Variants in OTOG observed in about 807,000 individuals in gnomAD.
The protein encoded by OTOG is otogelin.
In OTOG, 296 loss-of-function variants were observed where a neutral mutation model predicts 313.8. That is an observed-to-expected ratio of 0.94 (90% CI 0.86 to 1.04). The LOEUF (loss-of-function observed/expected upper bound fraction) is 1.04, where lower values mean the gene tolerates loss of function less well. Among genes scored for constraint, OTOG ranks in the 50% least tolerant of loss-of-function variants. OTOG has a pLI of 0.00. For synonymous variants in OTOG, 1,533 were observed against 1,554.9 expected, an observed-to-expected ratio of 0.99 and a Z score of 0.33; for missense variants, 3,948 against 3,840.1, an observed-to-expected ratio of 1.03 and a Z score of -0.74.
Position 17,635,163 on chromosome 11 carries a change from TC to T in OTOG, c.7671del (p.Cys2558AlafsTer114), listed in dbSNP as rs1187140139. 1 of 1,547,208 alleles carries T rather than the reference TC, an allele frequency of 6.5e-7. No individual in the cohort carries two copies. Among genetic ancestry groups the T allele is most frequent in the South Asian group, 1.2e-5 (1 of 83,996 alleles). ...QILITGRLGDSCCTSYFCACG... is the reference protein window; with the variant it reads ...QILITGRLGDXCCTSYFCACG... Reference sequence around the variant, plus strand: ...CCTGATCACGGGCCGCCTGGGGGACTCCTGCTGCACCTCCTACTTCTGCGGT... The same window carrying T: ...CCTGATCACGGGCCGCCTGGGGGACTCTGCTGCACCTCCTACTTCTGCGGT... On this transcript the variant is annotated frameshift_variant, in exon 46 of 56. Coordinates refer to ENST00000399397, the MANE Select transcript of OTOG (RefSeq NM_001292063.2). LOFTEE classifies it high-confidence loss of function.
intron 6 of OTOG, 21 bp downstream of exon 6, chr11:17,553,540 C>T (rs759443594): frequency 1.4e-6 from 2 of 1,420,942 alleles, no homozygotes; most frequent in South Asian, 1.7e-5. Flanking sequence ...CCCTGCCTTG[C>T]CTGTCCAGGA....
rs561196208 is a variant in OTOG at position 17,593,611 on chromosome 11, G to A, written c.3143G>A (p.Ser1048Asn). 1.1e-4 allele frequency: 163 copies of A among 1,548,892 alleles called. 2 individuals are homozygous for A. The South Asian group carries it at 1.7e-3, about 16-fold the overall frequency. ...GACTGACCATCTCTGTCCCTCTAGAGTCCAGAGAGCTTCCTGGATGACAAG... is the reference window on the plus strand; with the variant it reads ...GACTGACCATCTCTGTCCCTCTAGAATCCAGAGAGCTTCCTGGATGACAAG... The part of the protein sequence containing the change: ...IVFDDDSGNP[S>N]PESFLDDKQE... Residue 1048 changes from serine to asparagine, a missense_variant and splice_region_variant, in exon 27 of 56, where the codon AGT becomes AAT. By Grantham distance (46) the Ser-to-Asn change is conservative. Coordinates refer to ENST00000399397, the MANE Select transcript of OTOG (RefSeq NM_001292063.2).
At chr11:17,637,197 T>C (rs1055247431) in intron 47 of OTOG, among the ~76,000 whole-genome samples, 3 of 152,168 alleles carry the variant, frequency 2.0e-5, no homozygotes, top group Non-Finnish European at 4.4e-5. Context: ...ATGTGTGTGG[T>C]TTACCAAAAT....
In OTOG at chr11:17,645,891, T is replaced by C. The variant is rs1462394183; in HGVS notation, c.8689T>C (p.Trp2897Arg). 6.4e-7 allele frequency: 1 copy of C among 1,550,592 alleles called. No individual in the cohort carries two copies. The highest frequency in any genetic ancestry group is 2.0e-5 in the Admixed American group (1 of 51,014). The change falls in exon 56 of 56, where the codon TGG becomes CGG. Residue 2897 changes from tryptophan to arginine, a missense_variant. Physicochemically the swap from Trp to Arg is moderately radical, Grantham distance 101. Coordinates refer to ENST00000399397, the MANE Select transcript of OTOG (RefSeq NM_001292063.2). ...VQLFCATNAT[W>R]VPYTVQEPTD... is the part of the protein sequence containing the mutation. ...GCTCTTCTGTGCCACCAATGCCACC[T>C]GGGTGCCCTATACAGTGCAGGAGCC...
In OTOG at chr11:17,547,467, G is replaced by A. The variant is rs940188886; in HGVS notation, c.94+1G>A. 3 of 1,371,116 alleles carry A rather than the reference G, an allele frequency of 2.2e-6. No individual in the cohort carries two copies. Among genetic ancestry groups the A allele is most frequent in the Admixed American group, 3.3e-5 (1 of 29,990 alleles). 84.9% of individuals were successfully genotyped at this position (1,371,116 alleles called of 1,614,324 possible). On this transcript the variant is annotated splice_donor_variant, in intron 1 of 55. Transcript: ENST00000399397. LOFTEE classifies it high-confidence loss of function. ...GAGTCCCTGCGGGTGCAGCGCCTCG[G>A]TGAGAGGGTTGTGGACTCAGGGAGG...
intron 29 of OTOG, among the ~76,000 whole-genome samples, chr11:17,596,453 C>T (rs928575627): frequency 1.3e-5 from 2 of 152,250 alleles, no homozygotes; most frequent in African/African-American, 4.8e-5. Flanking sequence ...CATGCTGAGG[C>T]ACCACCTATT....
chr11:17,590,894 C>T (rs181509189), intron 24 of OTOG, among the ~76,000 whole-genome samples: 15 of 152,204 alleles, frequency 9.9e-5, no homozygotes, highest in African/African-American at 1.7e-4. Flanking sequence ...ATGCCCCAAC[C>T]ACCCTATTTA....
chr11:17,634,041 C>T, intron 43 of OTOG, 28 bp from the exon 44 acceptor site: 1 of 1,533,966 alleles, frequency 6.5e-7, no homozygotes, highest in Non-Finnish European at 8.8e-7. Context: ...TTCCTCAGTC[C>T]CTCGCACCCT....
chr11:17,553,610 G>T, intron 6 of OTOG, 91 bp downstream of exon 6: 1 of 1,171,662 alleles, frequency 8.5e-7, no homozygotes, highest in Non-Finnish European at 1.1e-6. Context: ...TAGTTAGAGA[G>T]ACTGGCACCT....
chr11:17,547,668 C>G, intron 1 of OTOG: 1 of 1,006,812 alleles, frequency 9.9e-7, no homozygotes, highest in Non-Finnish European at 1.3e-6. Context: ...GGGAAAGAGT[C>G]CAAAGTTAGG....
Position 17,640,808 on chromosome 11 carries a change from A to C in OTOG, c.7999A>C (p.Lys2667Gln). 1 of 1,550,330 alleles carries C rather than the reference A, an allele frequency of 6.5e-7. No individual in the cohort carries two copies. Among genetic ancestry groups the C allele is most frequent in the Non-Finnish European group, 8.7e-7 (1 of 1,147,000 alleles). Residue 2667 changes from lysine (K) to glutamine (Q), a missense_variant, in exon 50 of 56, where the codon AAG (lysine) becomes CAG (glutamine). Lys to Gln is a moderately conservative substitution (Grantham distance 53). Transcript: ENST00000399397. ...HSVENVCGCAKYECVKAPVCL... is the reference protein window; with the variant it reads ...HSVENVCGCAQYECVKAPVCL... ...CGTGGAGAATGTGTGTGGCTGCGCCAAGTACGAGTGTGGTGAGTGGGGGAA... is the reference window on the plus strand; with the variant it reads ...CGTGGAGAATGTGTGTGGCTGCGCCCAGTACGAGTGTGGTGAGTGGGGGAA...
intron 17 of OTOG, 105 bp downstream of exon 17, chr11:17,570,495 GC>G: frequency 9.4e-7 from 1 of 1,061,088 alleles, no homozygotes; most frequent in Non-Finnish European, 1.4e-6. Context: ...CCTTCACTGT[GC>G]CCAGCATGCA....
chr11:17,635,557 C>T, intron 46 of OTOG, 53 bp from the exon 47 acceptor site: 2 of 1,412,156 alleles, frequency 1.4e-6, no homozygotes, highest in African/African-American at 1.4e-5. Context: ...GTGCTGTGTG[C>T]CAGGCCCCTA....
chr11:17,559,808 AAAG>A (rs1182984869), intron 12 of OTOG, 146 bp downstream of exon 12: 3 of 868,222 alleles, frequency 3.5e-6, no homozygotes, highest in Non-Finnish European at 4.9e-6. Flanking sequence ...AAAAAGAAGG[AAAG>A]AAGGAAGGGA....
At chr11:17,606,357 T>A (rs1365504515) in intron 33 of OTOG, among the ~76,000 whole-genome samples, 2 of 152,236 alleles carry the variant, frequency 1.3e-5, no homozygotes, top group African/African-American at 4.8e-5. Context: ...CCAGCCAATT[T>A]CCTGGGTCCT....
Position 17,570,200 on chromosome 11 carries a change from A to G in OTOG, c.1778-13A>G, listed in dbSNP as rs1852373507. On this transcript the variant is annotated splice_polypyrimidine_tract_variant and intron_variant, in intron 16 of 55. Coordinates refer to ENST00000399397, the MANE Select transcript of OTOG (RefSeq NM_001292063.2). ...CTGCCCTCCCACTCTCTCCTTTTGG[A>G]TTCTGTGCCCAGATGCCTTTGAGAT... 1 of 1,549,504 alleles carries G rather than the reference A, an allele frequency of 6.5e-7. No individual in the cohort carries two copies. Among genetic ancestry groups the G allele is most frequent in the Non-Finnish European group, 8.7e-7 (1 of 1,146,282 alleles).
In OTOG at chr11:17,608,363, C is replaced by T. The variant is rs1853441411; in HGVS notation, c.4224C>T (p.Cys1408=). The T allele has an allele frequency of 3.2e-6, 5 of 1,547,578 alleles. No individual in the cohort carries two copies. Among genetic ancestry groups the T allele is most frequent in the East Asian group, 2.5e-5 (1 of 40,726 alleles). ...EWRYDACASP[C]FQTCRDPRAA... ...GCTACGATGCCTGTGCCAGCCCCTG[C>T]TTCCAAACCTGCCGGGACCCACGGG... is the stretch of plus-strand genomic sequence containing the variant. The change falls in exon 34 of 56, where the codon TGC becomes TGT. Residue 1408 remains cysteine, a synonymous_variant. Transcript: ENST00000399397.
At chr11:17,606,500 C>G (rs1019919658) in intron 33 of OTOG, among the ~76,000 whole-genome samples, 8 of 152,200 alleles carry the variant, frequency 5.3e-5, no homozygotes, top group African/African-American at 1.7e-4. Context: ...ACATGTCTGC[C>G]CCATGAGTTC....
At chr11:17,612,834 C>T (rs776235896) in intron 38 of OTOG, 69 bp downstream of exon 38, 4 of 1,479,156 alleles carry the variant, frequency 2.7e-6, no homozygotes, top group Non-Finnish European at 3.6e-6. Flanking sequence ...GGAGACGGAG[C>T]AGTGAGCCAG....
Sources: allele counts gnomAD v4.1 joint callset (sites outside exome capture counted in the v4.1 genomes callset), GRCh38; gene constraint gnomAD v4.1.1; transcripts MANE v1.5; gene names NCBI Gene and HGNC (gene_info 2026-07-23, HGNC 2026-07-21).